Variants in CREB3L2 observed in about 807,000 individuals in gnomAD.
CREB3L2 encodes cyclic AMP-responsive element-binding protein 3-like protein 2.
In CREB3L2, 23 loss-of-function variants were observed where a neutral mutation model predicts 57.2. That is an observed-to-expected ratio of 0.40 (90% CI 0.29 to 0.57). The LOEUF (loss-of-function observed/expected upper bound fraction) is 0.57, where lower values mean the gene tolerates loss of function less well. Among genes scored for constraint, CREB3L2 ranks in the 20% least tolerant of loss-of-function variants. CREB3L2 has a pLI of 0.42. For synonymous variants in CREB3L2, 268 were observed against 265.1 expected (o/e 1.01, Z -0.11); for missense variants, 628 against 634.7 (o/e 0.99, Z 0.11).
chr7:137,977,403 C>T (rs144455854), intron 1 of CREB3L2, among the ~76,000 whole-genome samples: 403 of 152,276 alleles, frequency 2.6e-3, no homozygotes, highest in Non-Finnish European at 4.6e-3. Context: ...TAAAATAAGA[C>T]TGTGGGGACA....
rs769980726 is a variant in CREB3L2, at chr7:137,877,196, G to A, written c.*3280C>T. On this transcript the variant is annotated 3_prime_UTR_variant, in exon 12 of 12. Coordinates refer to ENST00000330387, the MANE Select transcript of CREB3L2 (RefSeq NM_194071.4). ...GATTTAGGAAGAAAAAAAAAAACATGGTAATTATAAGGGGTCTGTGAATAA... is the reference window on the plus strand; with the variant it reads ...GATTTAGGAAGAAAAAAAAAAACATAGTAATTATAAGGGGTCTGTGAATAA... 8 of 227,750 alleles carry A rather than the reference G, an allele frequency of 3.5e-5. No homozygotes were observed. Among genetic ancestry groups the A allele is most frequent in the Admixed American group, 5.7e-5 (1 of 17,564 alleles). 14.1% of individuals were successfully genotyped at this position (227,750 alleles called of 1,614,324 possible).
chr7:137,891,415 A>G (rs532690676), intron 8 of CREB3L2, among the ~76,000 whole-genome samples: 1 of 152,352 alleles, frequency 6.6e-6, no homozygotes, highest in African/African-American at 2.4e-5. Context: ...TACAAAAGAA[A>G]GAATGAGAAC....
At chr7:137,926,230 G>T (rs1197637606) in intron 2 of CREB3L2, among the ~76,000 whole-genome samples, 1 of 152,086 alleles carries the variant, frequency 6.6e-6, no homozygotes, top group African/African-American at 2.4e-5. Context: ...CCCATTACTG[G>T]GTATATACCC....
intron 1 of CREB3L2, among the ~76,000 whole-genome samples, chr7:137,945,635 A>G (rs1800959383): frequency 6.6e-6 from 1 of 152,252 alleles, no homozygotes; most frequent in African/African-American, 2.4e-5. Context: ...TTTAAATGTT[A>G]CATAGGCAGA....
intron 1 of CREB3L2, among the ~76,000 whole-genome samples, chr7:137,963,734 T>C (rs1801362158): frequency 6.6e-6 from 1 of 152,232 alleles, no homozygotes; most frequent in East Asian, 1.9e-4. Flanking sequence ...CTTCCCTAAA[T>C]TGCCGAAGCA....
chr7:137,902,131 T>A (rs1344601334), intron 7 of CREB3L2, among the ~76,000 whole-genome samples: 1 of 142,072 alleles, frequency 7.0e-6, no homozygotes, highest in African/African-American at 2.6e-5. Flanking sequence ...GAGGCAGAGG[T>A]TGCAGTGAGC....
At chr7:137,891,890 C>T (rs912213974) in intron 8 of CREB3L2, among the ~76,000 whole-genome samples, 5 of 152,076 alleles carry the variant, frequency 3.3e-5, no homozygotes, top group African/African-American at 9.7e-5. Context: ...CACATACTTC[C>T]ATCAAATCTT....
At chr7:137,967,724 A>G (rs1479846968) in intron 1 of CREB3L2, among the ~76,000 whole-genome samples, 5 of 152,158 alleles carry the variant, frequency 3.3e-5, no homozygotes, top group African/African-American at 4.8e-5. Context: ...CTGACTCACA[A>G]GTTTCCCTCC....
rs745786624 is a variant in CREB3L2, at chr7:137,882,571, C to T, written c.1328G>A (p.Ser443Asn). The T allele has an allele frequency of 3.1e-6, 5 of 1,613,278 alleles. No individual in the cohort carries two copies. The East Asian group carries it at 1.1e-4, about 36-fold the overall frequency. Residue 443 changes from serine (S) to asparagine (N), a missense_variant, in exon 11 of 12, where the codon AGC becomes AAC. Ser to Asn is a conservative substitution (Grantham distance 46, BLOSUM62 1). Coordinates refer to ENST00000330387, the MANE Select transcript of CREB3L2 (RefSeq NM_194071.4). ...CCCCAGCTCCCCAGCCGAGCCCGGG[C>T]TGGATGACTCCTCTGGGGGAGAATG... ...EEHSPPEESS[S>N]PGSAGELGGW... is the part of the protein sequence containing the mutation.
intron 1 of CREB3L2, among the ~76,000 whole-genome samples, chr7:137,940,804 T>C (rs1800869500): frequency 6.6e-6 from 1 of 152,344 alleles, no homozygotes; most frequent in Non-Finnish European, 1.5e-5. Context: ...GAGCCAAATA[T>C]GTCTTAAGCA....
At chr7:137,881,500 C>G (rs989121357) in intron 11 of CREB3L2, among the ~76,000 whole-genome samples, 3 of 152,180 alleles carry the variant, frequency 2.0e-5, no homozygotes, top group Non-Finnish European at 4.4e-5. Flanking sequence ...TGCCTCACAT[C>G]TGTAAAGTGC....
At chr7:137,904,617 T>C (rs564009560) in intron 6 of CREB3L2, among the ~76,000 whole-genome samples, 1 of 152,216 alleles carries the variant, frequency 6.6e-6, no homozygotes, top group South Asian at 2.1e-4. Flanking sequence ...TGAGCTGACA[T>C]TGTGCCACTG....
At chr7:137,939,455 T>C (rs1012966081) in intron 1 of CREB3L2, among the ~76,000 whole-genome samples, 1 of 152,206 alleles carries the variant, frequency 6.6e-6, no homozygotes, top group African/African-American at 2.4e-5. Flanking sequence ...TCTCCTCATG[T>C]CAATGAAGGA....
intron 8 of CREB3L2, among the ~76,000 whole-genome samples, chr7:137,898,601 G>A (rs1033202559): frequency 3.9e-5 from 6 of 152,178 alleles, no homozygotes; most frequent in African/African-American, 7.2e-5. Context: ...GTGGAGAACC[G>A]AATAACCAAT....
intron 8 of CREB3L2, among the ~76,000 whole-genome samples, chr7:137,894,615 A>G (rs1172903554): frequency 1.3e-5 from 2 of 152,202 alleles, no homozygotes; most frequent in Admixed American, 6.5e-5. Context: ...ACCTTTGGAC[A>G]GGGAATTCCA....
chr7:137,944,115 A>T (rs1037410537), intron 1 of CREB3L2, among the ~76,000 whole-genome samples: 1 of 152,194 alleles, frequency 6.6e-6, no homozygotes, highest in Non-Finnish European at 1.5e-5. Context: ...CTGGGTGTCT[A>T]ATAGGTTAAA....
chr7:137,879,293 A>G lies in CREB3L2; in HGVS notation c.*1183T>C, dbSNP rs1799232525. On this transcript the variant is annotated 3_prime_UTR_variant, in exon 12 of 12. Transcript: ENST00000330387. Reference sequence around the variant, plus strand: ...TGGATACACAAATGTCACCTACCCCACCCTGCTTTGTTGAGGTAGGGGACG... The same window carrying G: ...TGGATACACAAATGTCACCTACCCCGCCCTGCTTTGTTGAGGTAGGGGACG... The G allele has an allele frequency of 7.6e-6, 4 of 528,796 alleles. No individual in the cohort carries two copies. Among genetic ancestry groups the G allele is most frequent in the South Asian group, 4.8e-5 (3 of 62,400 alleles). 32.8% of individuals were successfully genotyped at this position (528,796 alleles called of 1,614,324 possible).
At chr7:137,888,428 C>A (rs1799471566) in intron 8 of CREB3L2, among the ~76,000 whole-genome samples, 1 of 152,090 alleles carries the variant, frequency 6.6e-6, no homozygotes, top group African/African-American at 2.4e-5. Context: ...CAGGACTTCC[C>A]CAGAAAATTC....
intron 5 of CREB3L2, among the ~76,000 whole-genome samples, chr7:137,906,701 G>A (rs1301071454): frequency 5.3e-5 from 8 of 152,204 alleles, no homozygotes; most frequent in Non-Finnish European, 1.0e-4. Flanking sequence ...GGACCCAGTG[G>A]GAGATGACTG....
Sources: gnomAD v4.1 joint callset for allele counts (sites outside exome capture counted in the v4.1 genomes callset) on GRCh38, gnomAD v4.1.1 for gene constraint, MANE v1.5 for transcripts, NCBI Gene and HGNC (gene_info 2026-07-23, HGNC 2026-07-21) for gene names.